RYK: variants seen among roughly 807,000 people sequenced by gnomAD.
RYK encodes receptor like tyrosine kinase.
A neutral mutation model predicts 70.2 loss-of-function variants in RYK; 21 were observed. That is an observed-to-expected ratio of 0.30 (90% CI 0.21 to 0.43). The LOEUF (loss-of-function observed/expected upper bound fraction) is 0.43, where lower values mean the gene tolerates loss of function less well. Among genes scored for constraint, RYK ranks in the 20% least tolerant of loss-of-function variants. The probability of loss-of-function intolerance (pLI) is 1.00; values close to 1 mark genes in which losing one functional copy is unlikely to be tolerated. For synonymous variants in RYK, 267 were observed against 278.0 expected, an observed-to-expected ratio of 0.96 and a Z score of 0.39; for missense variants, 604 against 753.3, an observed-to-expected ratio of 0.80 and a Z score of 2.32.
chr3:134,223,181 T>C (rs2014792695), intron 1 of RYK, among the ~76,000 whole-genome samples: 1 of 152,180 alleles, frequency 6.6e-6, no homozygotes, highest in Non-Finnish European at 1.5e-5. Flanking sequence ...CATAAATGCT[T>C]GTTAACCAAG....
chr3:134,175,587 A>C, intron 13 of RYK, 22 bp downstream of exon 13: 1 of 1,606,744 alleles, frequency 6.2e-7, no homozygotes, highest in Non-Finnish European at 8.5e-7. Flanking sequence ...TTCTTTTGCT[A>C]TCTGGGGGTC....
chr3:134,177,724 G>A (rs1247370711), intron 11 of RYK, among the ~76,000 whole-genome samples: 1 of 152,104 alleles, frequency 6.6e-6, no homozygotes, highest in East Asian at 1.9e-4. Flanking sequence ...GAGAATATAA[G>A]GAAAACTTCA....
intron 1 of RYK, among the ~76,000 whole-genome samples, chr3:134,225,580 G>C (rs2107687238): frequency 6.6e-6 from 1 of 152,276 alleles, no homozygotes; most frequent in East Asian, 1.9e-4. Flanking sequence ...AAACAGTTGG[G>C]CATGGTGTTA....
intron 5 of RYK, among the ~76,000 whole-genome samples, chr3:134,203,823 C>T (rs1243259764): frequency 2.0e-5 from 3 of 152,210 alleles, no homozygotes; most frequent in African/African-American, 4.8e-5. Context: ...CACTGGTCAC[C>T]TGTGGCTATT....
chr3:134,236,819 T>G (rs1462163765), intron 1 of RYK, among the ~76,000 whole-genome samples: 1 of 152,152 alleles, frequency 6.6e-6, no homozygotes, highest in African/African-American at 2.4e-5. Context: ...AAGGGGGCTG[T>G]GCTGGAAAGC....
intron 2 of RYK, 98 bp from the exon 3 acceptor site, chr3:134,211,705 C>A: frequency 2.7e-6 from 2 of 731,556 alleles, no homozygotes; most frequent in East Asian, 2.7e-5. Context: ...AATGGATGAG[C>A]CTTTCATATG....
chr3:134,228,131 A>G (rs2014958635), intron 1 of RYK, among the ~76,000 whole-genome samples: 1 of 152,166 alleles, frequency 6.6e-6, no homozygotes, highest in Admixed American at 6.5e-5. Context: ...CTCTACAAAA[A>G]ATGTTTACAA....
intron 1 of RYK, among the ~76,000 whole-genome samples, chr3:134,227,354 T>C (rs975116323): frequency 6.6e-6 from 1 of 152,184 alleles, no homozygotes; most frequent in Non-Finnish European, 1.5e-5. Context: ...GTCTCTCATA[T>C]TGATCTGCAG....
chr3:134,158,150 G>A lies in RYK; in HGVS notation c.*3C>T, dbSNP rs757447513. 3 of 1,452,198 alleles carry A rather than the reference G, an allele frequency of 2.1e-6. No homozygotes were observed. The South Asian group carries it at 4.7e-5, about 23-fold the overall frequency. The allele number at this position is 1,452,198 out of a possible 1,614,324, so 90.0% of individuals were successfully genotyped here. On this transcript the variant is annotated 3_prime_UTR_variant, in exon 15 of 15. Coordinates refer to ENST00000623711, the MANE Select transcript of RYK (RefSeq NM_002958.4). ...TTCCTGATGGTGTGGGATTGGAGAG[G>A]AGTCAGACGTAGGCCCCCAGGGCTG...
chr3:134,159,191 T>C (rs372356601), intron 14 of RYK, 46 bp downstream of exon 14: 22 of 1,585,904 alleles, frequency 1.4e-5, no homozygotes, highest in African/African-American at 1.2e-4. Context: ...TATTCCAATA[T>C]AGTAAATGGA....
At chr3:134,208,559 C>T (rs945179358) in intron 4 of RYK, among the ~76,000 whole-genome samples, 1 of 152,176 alleles carries the variant, frequency 6.6e-6, no homozygotes, top group African/African-American at 2.4e-5. Flanking sequence ...ACTCTTCTTT[C>T]TTAAAATGTC....
chr3:134,181,970 C>A (rs143586409), intron 10 of RYK, among the ~76,000 whole-genome samples: 1 of 152,044 alleles, frequency 6.6e-6, no homozygotes, highest in African/African-American at 2.4e-5. Flanking sequence ...TCGAGACCAT[C>A]GTGGCTAACA....
intron 7 of RYK, among the ~76,000 whole-genome samples, chr3:134,192,773 G>A (rs1187552026): frequency 3.3e-5 from 5 of 152,164 alleles, no homozygotes; most frequent in Admixed American, 3.3e-4. Context: ...ATCAATGGTT[G>A]CCAGGAGAAC....
At chr3:134,245,420 A>G (rs1472299506) in intron 1 of RYK, among the ~76,000 whole-genome samples, 2 of 152,188 alleles carry the variant, frequency 1.3e-5, no homozygotes, top group African/African-American at 4.8e-5. Context: ...GACAAACAGA[A>G]AAGGAAAGAC....
intron 10 of RYK, chr3:134,181,143 C>A (rs1376350719): frequency 6.6e-6 from 1 of 152,200 alleles, no homozygotes; most frequent in East Asian, 1.9e-4. Flanking sequence ...TGATGCAAAC[C>A]TTTCACTGGG....
intron 3 of RYK, 103 bp from the exon 4 acceptor site, chr3:134,209,932 C>A: frequency 1.1e-6 from 1 of 928,418 alleles, no homozygotes; most frequent in South Asian, 1.9e-5. Flanking sequence ...ATTTTTGCTG[C>A]AAGAAAACTA....
chr3:134,203,639 A>G (rs1010528034), intron 5 of RYK, among the ~76,000 whole-genome samples: 2 of 152,214 alleles, frequency 1.3e-5, no homozygotes, highest in African/African-American at 2.4e-5. Context: ...CAAAGATTAA[A>G]AAAAAGAAAG....
chr3:134,192,484 T>C (rs573469322), intron 7 of RYK, among the ~76,000 whole-genome samples: 35 of 149,210 alleles, frequency 2.3e-4, no homozygotes, highest in African/African-American at 8.5e-4. Flanking sequence ...GAAAAGGCTT[T>C]TTTCAAACAA....
At chr3:134,222,164 G>A (rs1406069371) in intron 2 of RYK, among the ~76,000 whole-genome samples, 1 of 152,202 alleles carries the variant, frequency 6.6e-6, no homozygotes, top group African/African-American at 2.4e-5. Flanking sequence ...TCTGTTTGAA[G>A]AGCCTAAAAG....
Sources: gnomAD v4.1 joint callset for allele counts (sites outside exome capture counted in the v4.1 genomes callset) on GRCh38, gnomAD v4.1.1 for gene constraint, MANE v1.5 for transcripts, NCBI Gene and HGNC (gene_info 2026-07-23, HGNC 2026-07-21) for gene names.